NUP160: variants seen among roughly 807,000 people sequenced by gnomAD.
NUP160 encodes nuclear pore complex protein Nup160.
NUP160 carries 94 observed loss-of-function variants against 196.9 expected under a neutral mutation model. The observed-to-expected ratio is 0.48, with a 90% CI of 0.40 to 0.57. The LOEUF is 0.57. Among genes scored for constraint, NUP160 ranks in the 20% least tolerant of loss-of-function variants. The pLI, the probability that NUP160 is intolerant of heterozygous loss-of-function variation, is 0.00. For synonymous variants in NUP160, 605 were observed against 619.7 expected (o/e 0.98, Z 0.35); for missense variants, 1,638 against 1,748.3 (o/e 0.94, Z 1.13).
intron 7 of NUP160, among the ~76,000 whole-genome samples, chr11:47,825,454 CTTTTTTTT>C (rs776138457): frequency 8.1e-6 from 1 of 122,836 alleles, no homozygotes; most frequent in Admixed American, 8.4e-5. Context: ...TAATTTTTGC[CTTTTTTTT>C]TTTTTTTTGA....
At chr11:47,821,652 G>A (rs1272435298) in intron 9 of NUP160, 72 bp downstream of exon 9, 5 of 1,118,048 alleles carry the variant, frequency 4.5e-6, no homozygotes, top group Non-Finnish European at 6.8e-6. Flanking sequence ...GAGACACGGC[G>A]CCCGGCCTCT....
intron 10 of NUP160, 130 bp downstream of exon 10, chr11:47,819,244 C>G (rs1055951183): frequency 3.2e-6 from 2 of 621,840 alleles, no homozygotes; most frequent in Admixed American, 2.4e-5. Flanking sequence ...ACCTGGGAGG[C>G]AGAGGTTGCA....
chr11:47,843,466 T>C (rs1852344459), intron 2 of NUP160, among the ~76,000 whole-genome samples: 2 of 152,208 alleles, frequency 1.3e-5, no homozygotes, highest in African/African-American at 4.8e-5. Flanking sequence ...TTACTCCTTC[T>C]TGGGCTCCTT....
At chr11:47,840,752 A>T (rs1023592009) in intron 2 of NUP160, among the ~76,000 whole-genome samples, 164 bp from the exon 3 acceptor site, 2 of 152,192 alleles carry the variant, frequency 1.3e-5, no homozygotes, top group African/African-American at 4.8e-5. Context: ...GTACATTTAT[A>T]AAAAACAGCA....
At chr11:47,816,060 A>C (rs768204186) in intron 11 of NUP160, 31 bp from the exon 12 acceptor site, 2 of 1,441,864 alleles carry the variant, frequency 1.4e-6, no homozygotes, top group Admixed American at 1.7e-5. Context: ...AGACTTCTAT[A>C]TAATAGCCAA....
In NUP160 at chr11:47,800,644, C is replaced by G. The variant is rs201915184; in HGVS notation, c.2895+1167G>C. ...TGACCTCGTGATCCGCCCACCTCAG[C>G]CTCCCAAAGTGCTGGGATTACAGGT... On this transcript the variant is annotated intron_variant, in intron 23 of 35. Coordinates refer to ENST00000378460, the Ensembl canonical transcript of NUP160. 2.0e-5 allele frequency among the ~76,000 whole-genome samples: 3 copies of G among 152,140 alleles called. No homozygotes were observed. The East Asian group carries it at 5.8e-4, about 29-fold the overall frequency.
intron 34 of NUP160, among the ~76,000 whole-genome samples, chr11:47,782,685 G>T (rs1462989560): frequency 6.6e-6 from 1 of 151,904 alleles, no homozygotes; most frequent in Admixed American, 6.6e-5. Flanking sequence ...TTGAGATGGA[G>T]TCTCGCTCTG....
exon 28 of NUP160, chr11:47,792,943 C>T: frequency 6.2e-7 from 1 of 1,611,000 alleles, no homozygotes; most frequent in Non-Finnish European, 8.5e-7. Context: ...CATCACTGTG[C>T]CAGCTATGAG....
chr11:47,842,920 C>T (rs909413960), intron 2 of NUP160, among the ~76,000 whole-genome samples: 15 of 151,980 alleles, frequency 9.9e-5, no homozygotes, highest in African/African-American at 2.9e-4. Flanking sequence ...CCTAGGAGTT[C>T]GGGCTGCAGT....
At chr11:47,826,934 A>C (rs996922812) in intron 7 of NUP160, 22 of 421,474 alleles carry the variant, frequency 5.2e-5, no homozygotes, top group Middle Eastern at 7.1e-4. Context: ...CAATGATGCA[A>C]AATCAGTGGT....
intron 7 of NUP160, among the ~76,000 whole-genome samples, chr11:47,823,803 G>C (rs749964829): frequency 6.6e-6 from 1 of 151,780 alleles, no homozygotes; most frequent in Non-Finnish European, 1.5e-5. Flanking sequence ...CTAAAGTGCT[G>C]GGATTACAGG....
At chr11:47,781,867 G>T (rs981618711) in intron 34 of NUP160, among the ~76,000 whole-genome samples, 17 of 152,130 alleles carry the variant, frequency 1.1e-4, no homozygotes, top group African/African-American at 4.1e-4. Context: ...ATAAACAGGA[G>T]ACTAGAGATT....
chr11:47,840,955 A>G (rs890246053), intron 2 of NUP160, among the ~76,000 whole-genome samples: 3 of 152,140 alleles, frequency 2.0e-5, no homozygotes, highest in African/African-American at 7.2e-5. Flanking sequence ...GACCTTAATA[A>G]TTGCGGTTAT....
At chr11:47,814,070 CAAAAAAAAA>C (rs5791787) in intron 13 of NUP160, among the ~76,000 whole-genome samples, 1 of 39,834 alleles carries the variant, frequency 2.5e-5, no homozygotes, top group African/African-American at 8.2e-5. Flanking sequence ...GACTCTGTCT[CAAAAAAAAA>C]AAAAAAAAAA....
At chr11:47,806,398 G>C (rs777264417) in intron 19 of NUP160, 86 bp from the exon 20 acceptor site, 5 of 1,087,594 alleles carry the variant, frequency 4.6e-6, no homozygotes, top group Non-Finnish European at 6.7e-6. Context: ...TTTTATGCTT[G>C]TAACAAACAA....
chr11:47,840,094 T>G, intron 3 of NUP160, 29 bp from the exon 4 acceptor site: 1 of 1,549,890 alleles, frequency 6.5e-7, no homozygotes, highest in Non-Finnish European at 8.9e-7. Flanking sequence ...GAAAAATCTA[T>G]TAAATCAAAA....
At chr11:47,793,221 G>A (rs2097668923) in intron 27 of NUP160, among the ~76,000 whole-genome samples, 1 of 152,074 alleles carries the variant, frequency 6.6e-6, no homozygotes, top group South Asian at 2.1e-4. Context: ...TTGTGGCCTC[G>A]TGATCCGCCC....
chr11:47,779,289 C>T, intron 35 of NUP160, 95 bp from the exon 36 acceptor site: 2 of 750,170 alleles, frequency 2.7e-6, no homozygotes, highest in Middle Eastern at 3.1e-4. Context: ...GTAGATTCCA[C>T]CTTATAAAGA....
chr11:47,798,583 A>C, intron 23 of NUP160, 120 bp from the exon 24 acceptor site: 1 of 632,348 alleles, frequency 1.6e-6, no homozygotes. Flanking sequence ...CACACCTCCA[A>C]TCCCAGTACT....
Sources: gnomAD v4.1 joint callset for allele counts (sites outside exome capture counted in the v4.1 genomes callset) on GRCh38, gnomAD v4.1.1 for gene constraint, MANE v1.5 for transcripts, NCBI Gene and HGNC (gene_info 2026-07-23, HGNC 2026-07-21) for gene names.